RYR3: variants seen among roughly 807,000 people sequenced by gnomAD.
RYR3 encodes brain ryanodine receptor-calcium release channel.
A neutral mutation model predicts 584.3 loss-of-function variants in RYR3; 207 were observed. That is an observed-to-expected ratio of 0.35 (90% confidence interval 0.32 to 0.40). The LOEUF (loss-of-function observed/expected upper bound fraction) is 0.40, where lower values mean the gene tolerates loss of function less well. Among genes scored for constraint, RYR3 ranks in the 10% least tolerant of loss-of-function variants. The pLI, the probability that RYR3 is intolerant of heterozygous loss-of-function variation, is 1.00. For synonymous variants in RYR3, 2,416 were observed against 2,248.5 expected (o/e 1.07, Z -2.11); for missense variants, 5,616 against 6,089.2 (o/e 0.92, Z 2.59).
intron 32 of RYR3, among the ~76,000 whole-genome samples, chr15:33,658,747 C>T (rs1035913225): frequency 6.6e-6 from 1 of 152,208 alleles, no homozygotes; most frequent in Non-Finnish European, 1.5e-5. Flanking sequence ...AGAGGCTGCT[C>T]CTCCATCAAA....
chr15:33,602,295 G>A (rs1470913068), intron 17 of RYR3, among the ~76,000 whole-genome samples: 7 of 152,140 alleles, frequency 4.6e-5, no homozygotes, highest in African/African-American at 1.4e-4. Flanking sequence ...AGAACAGTTC[G>A]TCTCTAAAAG....
intron 18 of RYR3, among the ~76,000 whole-genome samples, chr15:33,608,378 G>A (rs2060008923): frequency 6.6e-6 from 1 of 152,216 alleles, no homozygotes; most frequent in African/African-American, 2.4e-5. Flanking sequence ...TGATTATTAA[G>A]CCATGAAAGC....
chr15:33,587,836 A>G (rs776096272), intron 16 of RYR3, among the ~76,000 whole-genome samples: 2 of 152,186 alleles, frequency 1.3e-5, no homozygotes, highest in Non-Finnish European at 2.9e-5. Context: ...TCACTAATGT[A>G]TTTGTGGTCA....
At chr15:33,522,092 TAAAAAA>T (rs36044198) in intron 3 of RYR3, among the ~76,000 whole-genome samples, 3 of 114,792 alleles carry the variant, frequency 2.6e-5, no homozygotes, top group Admixed American at 9.2e-5. Context: ...CATCTCTACT[TAAAAAA>T]AAAAAAAAAA....
intron 3 of RYR3, among the ~76,000 whole-genome samples, chr15:33,504,700 G>A (rs954390725): frequency 1.4e-4 from 21 of 152,096 alleles, no homozygotes; most frequent in African/African-American, 5.1e-4. Flanking sequence ...GAGTTGGTGA[G>A]CCCTGTTCAC....
intron 5 of RYR3, among the ~76,000 whole-genome samples, chr15:33,538,931 G>A (rs761278122): frequency 6.6e-6 from 1 of 151,860 alleles, no homozygotes; most frequent in Admixed American, 6.6e-5. Flanking sequence ...TTAGGACAGG[G>A]GGAGACAAAG....
At chr15:33,622,326 G>C (rs2060767501) in intron 19 of RYR3, among the ~76,000 whole-genome samples, 1 of 152,122 alleles carries the variant, frequency 6.6e-6, no homozygotes. Context: ...CTCCACCTCA[G>C]AGCCTTTGCG....
At chr15:33,408,011 A>AT (rs5811757) in intron 1 of RYR3, among the ~76,000 whole-genome samples, 9,288 of 149,678 alleles carry the variant, frequency 0.062, 430 homozygotes, top group Admixed American at 0.1. Context: ...TTAAACTTGA[A>AT]TTTTTTTTTT....
rs367645544 is a variant in RYR3, at chr15:33,750,007, A to C, written c.8228A>C (p.Tyr2743Ser). The change falls in exon 56 of 104, where the codon TAT (tyrosine) becomes TCT (serine). Residue 2743 changes from tyrosine (Y) to serine (S), a missense_variant. By Grantham distance (144) the Tyr-to-Ser change is moderately radical. This residue lies in a region of RYR3 where 1,280 missense variants were observed against 1,426.2 expected (regional missense o/e 0.90). Coordinates refer to ENST00000634891, the MANE Select transcript of RYR3 (RefSeq NM_001036.6). ...ATGGTGGAGGTCGTGGCTGAGAACT[A>C]TCACAATATCTGGGCCAAGAAGAAG... ...QGMVEVVAEN[Y>S]HNIWAKKKKL... is the part of the protein sequence containing the mutation. The C allele has an allele frequency of 9.6e-5, 154 of 1,612,458 alleles. No homozygotes were observed. Among genetic ancestry groups the C allele is most frequent in the Non-Finnish European group, 1.1e-4 (124 of 1,179,470 alleles).
chr15:33,543,664 A>G lies in RYR3; in HGVS notation c.689A>G (p.His230Arg). 2.5e-6 allele frequency: 4 copies of G among 1,613,068 alleles called. No individual in the cohort carries two copies. The highest frequency in any genetic ancestry group is 3.4e-6 in the Non-Finnish European group (4 of 1,179,124). Residue 230 changes from histidine to arginine, a missense_variant, in exon 8 of 104, where the codon CAT (histidine) becomes CGT (arginine). By Grantham distance (29) the His-to-Arg change is conservative (BLOSUM62 0). This residue lies in a region of RYR3 where 1,284 missense variants were observed against 1,344.6 expected (regional missense o/e 0.95). Transcript: ENST00000634891. ...CATGTAGTACGTCTTTTCCATGGTC[A>G]TGATGAATGTTTGACGATACCATCT... is the stretch of plus-strand genomic sequence containing the variant. ...GGHVVRLFHG[H>R]DECLTIPSTD...
At chr15:33,603,410 A>T (rs779191050) in intron 18 of RYR3, 46 bp downstream of exon 18, 1 of 1,503,812 alleles carries the variant, frequency 6.6e-7, no homozygotes, top group Non-Finnish European at 8.9e-7. Flanking sequence ...ACTGGAAATG[A>T]TGGAGGCTCA....
At chr15:33,629,279 A>C (rs1259801306) in intron 21 of RYR3, among the ~76,000 whole-genome samples, 5 of 152,232 alleles carry the variant, frequency 3.3e-5, no homozygotes, top group African/African-American at 9.6e-5. Context: ...GTACTGTCTA[A>C]TACAAAGCCC....
rs765516288 is a variant in RYR3, at chr15:33,748,473, C to T, written c.8142C>T (p.Asn2714=). The part of the protein sequence containing the change: ...LRSVSQANQG[N]SYSPAPLDLS... ...CTCTGCCTTTGCTTTCCTAGGGCAA[C>T]AGCTACAGTCCTGCTCCCCTCGACC... The change falls in exon 55 of 104, where the codon AAC becomes AAT. Residue 2714 remains asparagine (N), a synonymous_variant. Transcript: ENST00000634891. The T allele has an allele frequency of 9.3e-6, 15 of 1,613,206 alleles. No individual in the cohort carries two copies. The highest frequency in any genetic ancestry group is 1.2e-5 in the Non-Finnish European group (14 of 1,179,690).
chr15:33,600,875 A>G (rs1382179869), intron 16 of RYR3, among the ~76,000 whole-genome samples: 1 of 152,116 alleles, frequency 6.6e-6, no homozygotes, highest in African/African-American at 2.4e-5. Context: ...GTAATATTTT[A>G]TTTAAGGCCT....
chr15:33,802,549 C>G (rs17236567), intron 69 of RYR3, among the ~76,000 whole-genome samples: 55,276 of 152,008 alleles, frequency 0.36, 10,429 homozygotes, highest in South Asian at 0.48. Flanking sequence ...TGAAGAAAGA[C>G]TAACCTATAG....
intron 1 of RYR3, among the ~76,000 whole-genome samples, chr15:33,417,158 G>C (rs2043874941): frequency 1.3e-5 from 2 of 152,084 alleles, no homozygotes; most frequent in South Asian, 4.1e-4. Context: ...GCTTAGGCTT[G>C]CCGTGGCTAT....
intron 12 of RYR3, among the ~76,000 whole-genome samples, chr15:33,574,693 T>G (rs1274658353): frequency 6.6e-6 from 1 of 152,186 alleles, no homozygotes; most frequent in Non-Finnish European, 1.5e-5. Context: ...CCGATGAAAA[T>G]CTTCCCTTAG....
chr15:33,436,082 G>A (rs987345166), intron 1 of RYR3, among the ~76,000 whole-genome samples: 2 of 152,158 alleles, frequency 1.3e-5, no homozygotes, highest in East Asian at 1.9e-4. Flanking sequence ...AGTTCTCTAA[G>A]TCCCCATCAA....
Position 33,569,032 on chromosome 15 carries a change from G to C in RYR3, c.1268+2233G>C, listed in dbSNP as rs1046741184. 8.5e-5 allele frequency among the ~76,000 whole-genome samples: 13 copies of C among 152,300 alleles called. No homozygotes were observed. In the East Asian group the frequency reaches 2.5e-3, roughly 29 times the overall value. ...GTGAAGAGTATTCTTGTGTGTGTGT[G>C]TGCGTGTATGTGTGTGTAGAGTGAA... On this transcript the variant is annotated intron_variant, in intron 12 of 103. Transcript: ENST00000634891.
Sources: gnomAD v4.1 joint callset for allele counts (sites outside exome capture counted in the v4.1 genomes callset) on GRCh38, gnomAD v4.1.1 for gene constraint, gnomAD v4.1.1 regional missense constraint, MANE v1.5 for transcripts, NCBI Gene and HGNC (gene_info 2026-07-23, HGNC 2026-07-21) for gene names.